Variants in ADGRG6 observed in about 807,000 individuals in gnomAD.
The protein encoded by ADGRG6 is G-protein coupled receptor 126.
Under a neutral mutation model 142.4 loss-of-function variants are expected in ADGRG6, and 84 were observed. The ratio of observed to expected loss-of-function variants is 0.59; its 90% CI spans 0.49 to 0.71. The LOEUF (loss-of-function observed/expected upper bound fraction) is 0.71. ADGRG6 is among the 30% of genes least tolerant of loss of function. The pLI, the probability that ADGRG6 is intolerant of heterozygous loss-of-function variation, is 0.00. For missense variants in ADGRG6, 1,367 were observed against 1,466.6 expected, an observed-to-expected ratio of 0.93 and a Z score of 1.11; for synonymous variants, 521 against 520.5, an observed-to-expected ratio of 1.00 and a Z score of -0.01.
chr6:142,389,722 G>A (rs1398110230), intron 6 of ADGRG6, among the ~76,000 whole-genome samples: 2 of 151,842 alleles, frequency 1.3e-5, no homozygotes, highest in African/African-American at 4.8e-5. Flanking sequence ...CTGGTGAAAT[G>A]CAGCCTAGTA....
intron 20 of ADGRG6, 134 bp from the exon 21 acceptor site, chr6:142,417,139 G>T: frequency 1.4e-6 from 1 of 708,664 alleles, no homozygotes; most frequent in Non-Finnish European, 2.6e-6. Context: ...TAAGAAGTTT[G>T]AATCTGGGAT....
chr6:142,314,231 C>T (rs950723337), intron 2 of ADGRG6, among the ~76,000 whole-genome samples: 2 of 152,094 alleles, frequency 1.3e-5, no homozygotes, highest in Admixed American at 6.6e-5. Context: ...GTCATAAAGC[C>T]AATTACATAA....
intron 2 of ADGRG6, among the ~76,000 whole-genome samples, chr6:142,320,300 G>T (rs906572389): frequency 6.6e-6 from 1 of 152,014 alleles, no homozygotes; most frequent in Non-Finnish European, 1.5e-5. Context: ...AGATAAAAAT[G>T]TGCCTTTGAG....
chr6:142,426,120 T>C (rs764454287), intron 22 of ADGRG6, among the ~76,000 whole-genome samples: 31 of 152,200 alleles, frequency 2.0e-4, no homozygotes, highest in Non-Finnish European at 3.8e-4. Context: ...TCAAAACCAA[T>C]TATGCCTTCC....
chr6:142,405,872 G>A, intron 15 of ADGRG6, 44 bp downstream of exon 15: 1 of 1,408,316 alleles, frequency 7.1e-7, no homozygotes, highest in Non-Finnish European at 9.6e-7. Flanking sequence ...TGCAAATGAA[G>A]TTTCTTTGAG....
chr6:142,430,181 A>C (rs1487387080), intron 22 of ADGRG6, among the ~76,000 whole-genome samples: 1 of 152,234 alleles, frequency 6.6e-6, no homozygotes, highest in Non-Finnish European at 1.5e-5. Context: ...TATATCTGCA[A>C]GTCTTCCCTT....
chr6:142,368,688 C>G (rs1466132330), intron 3 of ADGRG6, among the ~76,000 whole-genome samples: 6 of 151,798 alleles, frequency 4.0e-5, no homozygotes, highest in Admixed American at 1.3e-4. Flanking sequence ...AATGACTGAC[C>G]CTCACTATTA....
chr6:142,326,626 A>G (rs1310198629), intron 2 of ADGRG6, among the ~76,000 whole-genome samples: 3 of 151,706 alleles, frequency 2.0e-5, no homozygotes, highest in African/African-American at 4.8e-5. Context: ...TTGACTGTTC[A>G]TTGTTCTTTT....
intron 4 of ADGRG6, among the ~76,000 whole-genome samples, chr6:142,381,272 A>G (rs913276460): frequency 1.3e-5 from 2 of 149,890 alleles, no homozygotes; most frequent in Non-Finnish European, 2.9e-5. Flanking sequence ...ACACATATAC[A>G]TATATATTTG....
At chr6:142,393,578 T>G (rs1017406726) in intron 8 of ADGRG6, among the ~76,000 whole-genome samples, 1 of 152,184 alleles carries the variant, frequency 6.6e-6, no homozygotes, top group Non-Finnish European at 1.5e-5. Flanking sequence ...TCTGTGAAGA[T>G]AAGAGATTTA....
chr6:142,364,660 A>G (rs985033708), intron 2 of ADGRG6, among the ~76,000 whole-genome samples: 1 of 152,222 alleles, frequency 6.6e-6, no homozygotes, highest in African/African-American at 2.4e-5. Flanking sequence ...ACTGAGGCAC[A>G]GATAAATTAA....
rs756005000 is a variant in ADGRG6, at chr6:142,435,825, AAAAAT to A, written c.3320-1596_3320-1592del. Among the ~76,000 whole-genome samples the A allele has an allele frequency of 5.9e-5, 9 of 152,330 alleles. No homozygotes were observed. The East Asian group carries it at 7.7e-4, about 13-fold the overall frequency. ...AAGGGAGTGACTAAAGGTTAAAATT[AAAAAT>A]AAAATAAAATAACGGTTGCTGAGGG... On this transcript the variant is annotated intron_variant, in intron 22 of 24. Coordinates refer to ENST00000367609, the MANE Select transcript of ADGRG6 (RefSeq NM_198569.3).
At chr6:142,411,506 A>G (rs1346548120) in intron 18 of ADGRG6, 95 bp downstream of exon 18, 2 of 733,228 alleles carry the variant, frequency 2.7e-6, no homozygotes, top group Admixed American at 3.7e-5. Flanking sequence ...TATTTTGGGA[A>G]TTATTTCCTG....
chr6:142,370,476 A>G lies in ADGRG6; in HGVS notation c.752A>G (p.Glu251Gly), dbSNP rs199531526. 676 of 1,613,242 alleles carry G rather than the reference A, an allele frequency of 4.2e-4. No individual in the cohort carries two copies. Among genetic ancestry groups the G allele is most frequent in the Non-Finnish European group, 5.3e-4 (621 of 1,179,336 alleles). ...EKEDIFAESF[E>G]QLCLVWNNSL... is the part of the protein sequence containing the mutation. ...GAAGACATTTTTGCAGAAAGCTTTGAACAGCTCTGCCTTGTTTGGAATAAT... is the reference window on the plus strand; with the variant it reads ...GAAGACATTTTTGCAGAAAGCTTTGGACAGCTCTGCCTTGTTTGGAATAAT... The change falls in exon 4 of 25, where the codon GAA becomes GGA. Residue 251 changes from glutamate (E) to glycine (G), a missense_variant. Glu to Gly is a moderately conservative substitution (Grantham distance 98, BLOSUM62 -2). Transcript: ENST00000367609.
intron 2 of ADGRG6, among the ~76,000 whole-genome samples, chr6:142,344,923 A>G (rs1393072684): frequency 6.6e-6 from 1 of 152,030 alleles, no homozygotes; most frequent in African/African-American, 2.4e-5. Flanking sequence ...TAGGAAATAA[A>G]CTGAGTCTAC....
chr6:142,384,328 C>T (rs777327536), intron 6 of ADGRG6, among the ~76,000 whole-genome samples: 12 of 151,944 alleles, frequency 7.9e-5, no homozygotes, highest in Non-Finnish European at 1.6e-4. Context: ...TAATACTTTG[C>T]TTTCTGTTTT....
chr6:142,414,598 GC>G (rs1279943443), intron 18 of ADGRG6, among the ~76,000 whole-genome samples: 1 of 152,104 alleles, frequency 6.6e-6, no homozygotes, highest in Non-Finnish European at 1.5e-5. Flanking sequence ...TTGAACTGGT[GC>G]CCCAAGCCCT....
At chr6:142,342,093 G>A (rs1433260877) in intron 2 of ADGRG6, among the ~76,000 whole-genome samples, 2 of 152,154 alleles carry the variant, frequency 1.3e-5, no homozygotes, top group South Asian at 4.1e-4. Context: ...AGAAGAGCCT[G>A]CTGCTGCAAG....
chr6:142,350,063 T>G (rs929354390), intron 2 of ADGRG6, among the ~76,000 whole-genome samples: 1 of 152,220 alleles, frequency 6.6e-6, no homozygotes, highest in African/African-American at 2.4e-5. Flanking sequence ...CAGACTTGAT[T>G]GCATAAGCAA....
Sources: allele counts gnomAD v4.1 joint callset (sites outside exome capture counted in the v4.1 genomes callset), GRCh38; gene constraint gnomAD v4.1.1; transcripts MANE v1.5; gene names NCBI Gene and HGNC (gene_info 2026-07-23, HGNC 2026-07-21).